B4GALNT2: variants seen among roughly 807,000 people sequenced by gnomAD.
B4GALNT2 encodes the protein N-acetylneuraminylgalactosylglucosyl-glucoside beta-1,4-N- acetylgalactosaminyltransferase 2.
B4GALNT2 carries 42 observed loss-of-function variants against 51.1 expected under a neutral mutation model. The observed-to-expected ratio is 0.82, with a 90% confidence interval of 0.64 to 1.06. The LOEUF is 1.06. Among genes scored for constraint, B4GALNT2 ranks in the 50% least tolerant of loss-of-function variants. The pLI, the probability that B4GALNT2 is intolerant of heterozygous loss-of-function variation, is 0.00. For missense variants in B4GALNT2, 602 were observed against 633.6 expected (o/e 0.95, Z 0.54); for synonymous variants, 253 against 251.7 (o/e 1.01, Z -0.05).
rs768970250 is a variant in B4GALNT2, at chr17:49,160,647, G to T, written c.766+6G>T. On this transcript the variant is annotated splice_donor_region_variant and intron_variant, in intron 7 of 10. Transcript: ENST00000393354. The stretch of plus-strand genomic sequence containing the variant: ...GCTATACGACCCTGGACCAGGTAAG[G>T]CCCTTGTCCTTGGGGCTCCGTGGTG... 1.2e-6 allele frequency: 2 copies of T among 1,612,774 alleles called. No individual in the cohort carries two copies. The highest frequency in any genetic ancestry group is 2.2e-5 in the East Asian group (1 of 44,870).
chr17:49,141,197 T>A (rs1330435659), intron 1 of B4GALNT2, 50 bp from the exon 2 acceptor site: 1 of 1,542,380 alleles, frequency 6.5e-7, no homozygotes. Flanking sequence ...ATACATTACA[T>A]AATCAAGAAA....
chr17:49,133,336 G>A, intron 1 of B4GALNT2: 3 of 1,249,546 alleles, frequency 2.4e-6, no homozygotes, highest in Non-Finnish European at 3.1e-6. Flanking sequence ...AAATCCAGGC[G>A]CCCACCGCAG....
chr17:49,166,400 A>AC, intron 9 of B4GALNT2, 146 bp downstream of exon 9: 3 of 940,224 alleles, frequency 3.2e-6, no homozygotes, highest in Admixed American at 5.6e-5. Context: ...GGAGGTGAAT[A>AC]GGCCAGTGCA....
chr17:49,126,492 T>C, the B4GALNT2 span, among the ~76,000 whole-genome samples: 333 of 72,196 alleles, frequency 4.6e-3, 2 homozygotes, highest in African/African-American at 0.016. Context: ...CCAAGAATGA[T>C]CAATAAAAAA....
chr17:49,168,655 C>T (rs375819955), intron 9 of B4GALNT2, 26 bp from the exon 10 acceptor site: 9 of 1,605,562 alleles, frequency 5.6e-6, no homozygotes, highest in East Asian at 2.2e-5. Context: ...TGCACTCTAA[C>T]ATGGATTTCT....
At chr17:49,141,473 C>T (rs777092101) in intron 2 of B4GALNT2, 26 bp downstream of exon 2, 1 of 1,598,702 alleles carries the variant, frequency 6.3e-7, no homozygotes, top group South Asian at 1.1e-5. Flanking sequence ...TTCTTTCTTT[C>T]ACCTTAATGC....
At chr17:49,124,271 C>T in the B4GALNT2 span, among the ~76,000 whole-genome samples, 77,190 of 151,606 alleles carry the variant, frequency 0.51, 19,984 homozygotes, top group Middle Eastern at 0.62. Context: ...GAGTCCTGAA[C>T]GTTTTTCCTC....
intron 1 of B4GALNT2, among the ~76,000 whole-genome samples, chr17:49,140,949 C>T (rs1020959868): frequency 6.6e-6 from 1 of 151,894 alleles, no homozygotes; most frequent in Non-Finnish European, 1.5e-5. Context: ...GATTTCTTGA[C>T]CGCGTGATCC....
At chr17:49,129,653 G>A (rs140853454), upstream of B4GALNT2, among the ~76,000 whole-genome samples, 32 of 152,148 alleles carry the variant, frequency 2.1e-4, no homozygotes, top group African/African-American at 6.8e-4. Flanking sequence ...TTACAGACTA[G>A]GAGTATTTAT....
intron 3 of B4GALNT2, among the ~76,000 whole-genome samples, chr17:49,150,210 C>A (rs1473820681): frequency 1.5e-5 from 2 of 136,080 alleles, no homozygotes; most frequent in African/African-American, 2.8e-5. Flanking sequence ...GGGGGTCAGC[C>A]CCCCGCCCGG....
chr17:49,135,109 G>A (rs903999800), intron 1 of B4GALNT2, among the ~76,000 whole-genome samples: 2 of 151,964 alleles, frequency 1.3e-5, no homozygotes, highest in Non-Finnish European at 2.9e-5. Context: ...TCTATAACTC[G>A]AATAGTTTAA....
chr17:49,166,379 G>T, intron 9 of B4GALNT2, 125 bp downstream of exon 9: 1 of 816,162 alleles, frequency 1.2e-6, no homozygotes, highest in South Asian at 1.8e-5. Context: ...GGAGGGAGAG[G>T]GGCTGGTGCA....
chr17:49,121,935 A>G, the B4GALNT2 span, among the ~76,000 whole-genome samples: 1 of 152,352 alleles, frequency 6.6e-6, no homozygotes, highest in East Asian at 1.9e-4. Context: ...TATTTTGGAG[A>G]ATAAACCTGA....
the B4GALNT2 span, among the ~76,000 whole-genome samples, chr17:49,125,238 C>A: frequency 1.1e-3 from 173 of 152,282 alleles, 6 homozygotes; most frequent in South Asian, 0.034. Flanking sequence ...TGACTCACTG[C>A]AACCTCCACT....
At position 49,148,615 on chromosome 17, in the gene B4GALNT2, T is replaced by G. The variant is rs975469735; in HGVS notation, c.354-4185T>G. ...TTGGTAAGGTACGCGTAGAAATGTC[T>G]CCAGGCAAACCGTTCCTGCACAAAG... On this transcript the variant is annotated intron_variant, in intron 3 of 10. Coordinates refer to ENST00000393354, the MANE Select transcript of B4GALNT2 (RefSeq NM_001159387.2). The G allele has an allele frequency of 5.8e-6, 3 of 519,768 alleles. No homozygotes were observed. The Admixed American group carries it at 6.7e-5, about 12-fold the overall frequency. 32.2% of individuals were successfully genotyped at this position (519,768 alleles called of 1,614,324 possible).
At chr17:49,139,004 G>C (rs1342986003) in intron 1 of B4GALNT2, among the ~76,000 whole-genome samples, 1 of 152,048 alleles carries the variant, frequency 6.6e-6, no homozygotes, top group Non-Finnish European at 1.5e-5. Flanking sequence ...CATACTAAGT[G>C]GTCATTAGAC....
In B4GALNT2 at chr17:49,175,308, C is replaced by T. The variant is rs557897214; in HGVS notation, c.*5580C>T. The T allele has an allele frequency of 2.7e-4, 41 of 152,256 alleles. No individual in the cohort carries two copies. Among genetic ancestry groups the T allele is most frequent in the Non-Finnish European group, 3.8e-4 (26 of 68,024 alleles). 9.4% of individuals were successfully genotyped at this position (152,256 alleles called of 1,614,324 possible). The stretch of plus-strand genomic sequence containing the variant: ...ATTTGTGCTTCCAAATTCTCCTATT[C>T]GTTTAATTTCACTTTTCCCCATTTC... On this transcript the variant is annotated 3_prime_UTR_variant, in exon 11 of 11. Transcript: ENST00000393354.
At chr17:49,140,058 T>C (rs2042627491) in intron 1 of B4GALNT2, among the ~76,000 whole-genome samples, 1 of 148,540 alleles carries the variant, frequency 6.7e-6, no homozygotes. Flanking sequence ...TATAATATAA[T>C]ATAATTTATA....
rs2042975694 is a variant in B4GALNT2 at position 49,174,452 on chromosome 17, A to G, written c.*4724A>G. ...CTGCTCAGCTAAGGGGATAGTAAAGAAACAGTCTTTTAAATCTATGACTAT... is the reference window on the plus strand; with the variant it reads ...CTGCTCAGCTAAGGGGATAGTAAAGGAACAGTCTTTTAAATCTATGACTAT... On this transcript the variant is annotated 3_prime_UTR_variant, in exon 11 of 11. Transcript: ENST00000393354. 1.3e-5 allele frequency: 2 copies of G among 152,334 alleles called. No individual in the cohort carries two copies. Among genetic ancestry groups the G allele is most frequent in the African/African-American group, 2.4e-5 (1 of 41,584 alleles). 9.4% of individuals were successfully genotyped at this position (152,334 alleles called of 1,614,324 possible). A position where few individuals can be genotyped will look rare whatever the true frequency, so the allele number is the denominator to read the frequency against.
Sources: gnomAD v4.1 joint callset for allele counts (sites outside exome capture counted in the v4.1 genomes callset) on GRCh38, gnomAD v4.1.1 for gene constraint, MANE v1.5 for transcripts, NCBI Gene and HGNC (gene_info 2026-07-23, HGNC 2026-07-21) for gene names.